The following ITGAE variants were observed in gnomAD, a reference collection of about 807,000 sequenced individuals.
ITGAE encodes the protein integrin subunit alpha E.
Under a neutral mutation model 136.5 loss-of-function variants are expected in ITGAE, and 99 were observed. The ratio of observed to expected loss-of-function variants is 0.73; its 90% CI spans 0.62 to 0.86. ITGAE has a LOEUF of 0.86. Ranked by LOEUF, ITGAE falls within the 40% of genes least tolerant of loss-of-function variation. The probability of loss-of-function intolerance (pLI) is 0.00; values close to 1 mark genes in which losing one functional copy is unlikely to be tolerated. For missense variants in ITGAE, 1,447 were observed against 1,515.3 expected (o/e 0.95, Z 0.75); for synonymous variants, 613 against 591.8 (o/e 1.04, Z -0.52).
intron 15 of ITGAE, 99 bp from the exon 16 acceptor site, chr17:3,750,581 T>C (rs2051841198): frequency 1.4e-6 from 2 of 1,426,174 alleles, no homozygotes; most frequent in Admixed American, 4.1e-5. Flanking sequence ...GCAGGCACCA[T>C]CCAGCCCCAG....
intron 26 of ITGAE, 63 bp downstream of exon 26, chr17:3,727,856 T>C: frequency 1.9e-6 from 2 of 1,032,348 alleles, no homozygotes; most frequent in East Asian, 2.4e-5. Context: ...CTGGTTTTTA[T>C]ACTTGAGACT....
chr17:3,798,294 T>C lies in ITGAE; in HGVS notation c.34+2817A>G, dbSNP rs9915516. Among the ~76,000 whole-genome samples the C allele has an allele frequency of 0.22, 33,401 of 152,088 alleles. 3,945 individuals are homozygous for C. The highest frequency in any genetic ancestry group is 0.34 in the South Asian group (1,650 of 4,820). On this transcript the variant is annotated intron_variant, in intron 1 of 30. Coordinates refer to ENST00000263087, the MANE Select transcript of ITGAE (RefSeq NM_002208.5). The surrounding 1 kb of genome is among the most constrained non-coding windows in gnomAD (Gnocchi z 4.3). Reference sequence around the variant, plus strand: ...ACCTGCCTTCTCTTCACACAGGGGCTGGGATAGGGGTGGCCTCGCCTCTGC... The same window carrying C: ...ACCTGCCTTCTCTTCACACAGGGGCCGGGATAGGGGTGGCCTCGCCTCTGC...
intron 26 of ITGAE, chr17:3,724,157 C>T (rs749122351): frequency 3.1e-6 from 5 of 1,594,480 alleles, no homozygotes; most frequent in Non-Finnish European, 2.5e-6. Context: ...TCCCCGGCAG[C>T]CCGGTGAGGC....
intron 19 of ITGAE, among the ~76,000 whole-genome samples, chr17:3,742,809 A>T (rs974423665): frequency 1.3e-5 from 2 of 151,850 alleles, no homozygotes; most frequent in Admixed American, 1.3e-4. Flanking sequence ...ATGCCACCAC[A>T]CCCGGCCAAT....
chr17:3,723,145 GGT>G, intron 28 of ITGAE, 141 bp downstream of exon 28: 2 of 627,566 alleles, frequency 3.2e-6, no homozygotes, highest in East Asian at 2.9e-5. Flanking sequence ...CTAAGGAACG[GGT>G]TGGGACAGAG....
At position 3,765,076 on chromosome 17, in the gene ITGAE, G is replaced by A. The variant is rs1345810631; in HGVS notation, c.156-1116C>T. Among the ~76,000 whole-genome samples the A allele has an allele frequency of 7.9e-5, 12 of 152,220 alleles. No homozygotes were observed. The East Asian group carries it at 1.2e-3, about 15-fold the overall frequency. On this transcript the variant is annotated intron_variant, in intron 2 of 30. Transcript: ENST00000263087. ...TCAAAAGCTCATGATGAGGCCGGGC[G>A]CGGTGGCTCACGCCTGTAATCCCAG...
rs199679717 is a variant in ITGAE, at chr17:3,719,234, TC to T, written c.3333+1072del. On this transcript the variant is annotated intron_variant, in intron 29 of 30. Transcript: ENST00000263087. ...CTGGGCGACACAGTGAGATTCTTCC[TC>T]AAAAAAAAAAAAAAAAAAAAAGAAA... 4.9e-3 allele frequency among the ~76,000 whole-genome samples: 171 copies of T among 34,734 alleles called. 8 individuals carry two copies. Among genetic ancestry groups the T allele is most frequent in the African/African-American group, 0.02 (165 of 8,162 alleles). 22.8% of individuals were successfully genotyped at this position (34,734 alleles called of 152,430 possible).
At chr17:3,725,315 T>C in intron 26 of ITGAE, 2 of 1,614,196 alleles carry the variant, frequency 1.2e-6, no homozygotes, top group Non-Finnish European at 1.7e-6. Context: ...CATCTGATGC[T>C]GAAAAGGTTT....
chr17:3,770,117 T>TC (rs549366255), intron 2 of ITGAE, among the ~76,000 whole-genome samples: 15 of 151,104 alleles, frequency 9.9e-5, no homozygotes, highest in African/African-American at 1.7e-4. Context: ...TTTCTTTCTT[T>TC]TTTTTTTTTT....
chr17:3,719,234 T>TAAAAAAAAAAAAAAAAAAAAAAAAAA (rs2050999265), intron 29 of ITGAE, among the ~76,000 whole-genome samples: 1 of 34,836 alleles, frequency 2.9e-5, no homozygotes, highest in African/African-American at 1.2e-4. Context: ...AGATTCTTCC[T>TAAAAAAAAAAAAAAAAAAAAAAAAAA]CAAAAAAAAA....
Position 3,763,954 on chromosome 17 carries a change from C to T in ITGAE, c.162G>A (p.Leu54=), listed in dbSNP as rs776885936. ...QDPSTNQTWL[L]VTSPRTKRTP... ...TCCTCTTGGTTCTGGGGCTGGTGAC[C>T]AGGAGCCTGAGTGGGAGGGGAGGTT... The change falls in exon 3 of 31, where the codon CTG becomes CTA. Residue 54 remains leucine (L), a synonymous_variant. Coordinates refer to ENST00000263087, the MANE Select transcript of ITGAE (RefSeq NM_002208.5). 1.9e-6 allele frequency: 3 copies of T among 1,611,718 alleles called. No homozygotes were observed. The highest frequency in any genetic ancestry group is 1.3e-5 in the African/African-American group (1 of 74,938).
intron 21 of ITGAE, among the ~76,000 whole-genome samples, chr17:3,733,682 A>G (rs1251917578): frequency 6.6e-6 from 1 of 152,214 alleles, no homozygotes; most frequent in African/African-American, 2.4e-5. Context: ...CGGCCTCCCA[A>G]AGTGCTGGGA....
chr17:3,743,503 A>C lies in ITGAE; in HGVS notation c.2434T>G (p.Phe812Val), dbSNP rs2051634676. The C allele has an allele frequency of 1.3e-6, 2 of 1,596,620 alleles. No homozygotes were observed. The highest frequency in any genetic ancestry group is 1.7e-6 in the Non-Finnish European group (2 of 1,173,716). Residue 812 changes from phenylalanine to valine, a missense_variant, in exon 19 of 31, where the codon TTT (phenylalanine) becomes GTT (valine). By Grantham distance (50) the Phe-to-Val change is conservative. This residue lies in a region of ITGAE where 1,031 missense variants were observed against 1,011.4 expected (regional missense o/e 1.02). Transcript: ENST00000263087. ...QPILDRYTEP[F>V]AIFQLPYEKA... ...GGTAGAGTCACCTGGAAGATGGCAA[A>C]GGGCTCAGTGTAGCGGTCCAGGATG...
At chr17:3,738,131 A>G (rs1487982035) in intron 20 of ITGAE, among the ~76,000 whole-genome samples, 1 of 152,068 alleles carries the variant, frequency 6.6e-6, no homozygotes, top group Non-Finnish European at 1.5e-5. Context: ...ATACATACAC[A>G]ACACTAGTCG....
intron 2 of ITGAE, among the ~76,000 whole-genome samples, chr17:3,770,545 G>C (rs183670175): frequency 1.3e-5 from 2 of 152,294 alleles, no homozygotes. Context: ...ATGTGAGTGA[G>C]AGGCACACGT....
chr17:3,727,724 G>A (rs2051247251), intron 26 of ITGAE, among the ~76,000 whole-genome samples, 195 bp downstream of exon 26: 1 of 152,098 alleles, frequency 6.6e-6, no homozygotes, highest in Non-Finnish European at 1.5e-5. Flanking sequence ...TTCCTCAAAG[G>A]GAGGAAAACT....
intron 30 of ITGAE, 108 bp downstream of exon 30, chr17:3,716,580 C>T (rs561157916): frequency 8.3e-5 from 57 of 687,802 alleles, no homozygotes; most frequent in Non-Finnish European, 1.3e-4. Flanking sequence ...AAAGTGGCCA[C>T]GAGGCCAGGG....
At chr17:3,731,266 C>G in intron 22 of ITGAE, 83 bp from the exon 23 acceptor site, 4 of 980,848 alleles carry the variant, frequency 4.1e-6, no homozygotes, top group Non-Finnish European at 6.5e-6. Context: ...TGGAACAGAC[C>G]TAGGAGACGA....
At chr17:3,761,251 C>T in intron 5 of ITGAE, 74 bp from the exon 6 acceptor site, 2 of 1,567,500 alleles carry the variant, frequency 1.3e-6, no homozygotes, top group South Asian at 2.4e-5. Flanking sequence ...ACACATGGTT[C>T]TGCCCTGATT....
Sources: gnomAD v4.1 joint callset for allele counts (sites outside exome capture counted in the v4.1 genomes callset) on GRCh38, gnomAD v4.1.1 for gene constraint, gnomAD v4.1.1 regional missense constraint, Gnocchi (gnomAD v3.1) non-coding constraint, MANE v1.5 for transcripts, NCBI Gene and HGNC (gene_info 2026-07-23, HGNC 2026-07-21) for gene names.